Variants in ARHGEF10 observed in about 807,000 individuals in gnomAD.
The protein encoded by ARHGEF10 is Rho guanine nucleotide exchange factor (GEF) 10.
Under a neutral mutation model 147.4 loss-of-function variants are expected in ARHGEF10, and 140 were observed. The observed-to-expected ratio is 0.95, with a 90% CI of 0.83 to 1.09. The LOEUF (loss-of-function observed/expected upper bound fraction) is 1.09, where lower values mean the gene tolerates loss of function less well. Among genes scored for constraint, ARHGEF10 ranks in the 50% least tolerant of loss-of-function variants. The pLI, the probability that ARHGEF10 is intolerant of heterozygous loss-of-function variation, is 0.00. For missense variants in ARHGEF10, 2,222 were observed against 1,752.7 expected (o/e 1.27, Z -4.78); for synonymous variants, 902 against 695.8 (o/e 1.30, Z -4.67).
intron 27 of ARHGEF10, among the ~76,000 whole-genome samples, chr8:1,947,040 G>A (rs1029644682): frequency 9.2e-5 from 14 of 152,250 alleles, no homozygotes; most frequent in African/African-American, 3.4e-4. Flanking sequence ...CTGTGGCTCA[G>A]AAAGCAGACG....
chr8:1,835,006 C>G (rs1426246557), intron 1 of ARHGEF10, among the ~76,000 whole-genome samples: 2 of 152,212 alleles, frequency 1.3e-5, no homozygotes, highest in African/African-American at 4.8e-5. Context: ...ATTCGCCAAG[C>G]GGGTCCGCCA....
At chr8:1,891,048 T>C (rs1809485569) in intron 11 of ARHGEF10, among the ~76,000 whole-genome samples, 1 of 152,220 alleles carries the variant, frequency 6.6e-6, no homozygotes, top group Admixed American at 6.5e-5. Context: ...TGGATTTTAA[T>C]GTCTATTTCC....
chr8:1,869,911 C>A (rs17756583), intron 7 of ARHGEF10: 34,433 of 155,546 alleles, frequency 0.22, 4,115 homozygotes, highest in East Asian at 0.5. Flanking sequence ...TTAGAAAGGG[C>A]GATGGGCCGC....
intron 7 of ARHGEF10, among the ~76,000 whole-genome samples, chr8:1,874,878 G>C (rs1386925961): frequency 3.8e-4 from 26 of 69,098 alleles, no homozygotes; most frequent in African/African-American, 1.5e-3. Flanking sequence ...TCTGGTGGGA[G>C]AGTGCAGACA....
intron 28 of ARHGEF10, among the ~76,000 whole-genome samples, chr8:1,953,681 G>A (rs536043391): frequency 6.6e-5 from 10 of 152,302 alleles, no homozygotes; most frequent in African/African-American, 2.4e-4. Flanking sequence ...ATGACGGATT[G>A]GGCCATTTAA....
chr8:1,823,814 G>A (rs1430208197), upstream of ARHGEF10, among the ~76,000 whole-genome samples: 1 of 151,794 alleles, frequency 6.6e-6, no homozygotes, highest in Non-Finnish European at 1.5e-5. Context: ...ATGCGCGGGC[G>A]CGAGGGCAGG....
rs747323174 is a variant in ARHGEF10, at chr8:1,857,946, GT to G, written c.38-9del. On this transcript the variant is annotated splice_polypyrimidine_tract_variant and intron_variant, in intron 2 of 28. Coordinates refer to ENST00000349830, the MANE Select transcript of ARHGEF10 (RefSeq NM_014629.4). Reference sequence around the variant, plus strand: ...TCTATCTCTCCTTGATGTGGTTTTGGTTTTTCTTTTTAGAAAATGAAATGAA... The same window carrying G: ...TCTATCTCTCCTTGATGTGGTTTTGGTTTTCTTTTTAGAAAATGAAATGAA... 5.0e-6 allele frequency: 8 copies of G among 1,607,296 alleles called. No individual in the cohort carries two copies. Among genetic ancestry groups the G allele is most frequent in the Non-Finnish European group, 6.8e-6 (8 of 1,174,690 alleles).
chr8:1,923,973 A>G, intron 21 of ARHGEF10, 99 bp downstream of exon 21: 1 of 1,109,610 alleles, frequency 9.0e-7, no homozygotes, highest in East Asian at 2.5e-5. Context: ...ACTCAGCAGT[A>G]GATCCATGCA....
At chr8:1,869,321 C>G in intron 7 of ARHGEF10, 71 bp downstream of exon 7, 1 of 1,327,520 alleles carries the variant, frequency 7.5e-7, no homozygotes, top group South Asian at 1.2e-5. Flanking sequence ...GCCAAAGTGA[C>G]TATTTAGTGG....
At chr8:1,846,639 G>A (rs1482958838) in intron 2 of ARHGEF10, among the ~76,000 whole-genome samples, 1 of 152,030 alleles carries the variant, frequency 6.6e-6, no homozygotes, top group East Asian at 1.9e-4. Context: ...GTGAAGTGGT[G>A]TGATCTTGGC....
At chr8:1,890,914 G>C (rs1206347061) in intron 11 of ARHGEF10, among the ~76,000 whole-genome samples, 1 of 152,180 alleles carries the variant, frequency 6.6e-6, no homozygotes, top group East Asian at 1.9e-4. Context: ...TTTCTGTAAA[G>C]GGTTTAAGCT....
chr8:1,826,353 T>C (rs912212235), intron 1 of ARHGEF10, among the ~76,000 whole-genome samples: 2 of 151,766 alleles, frequency 1.3e-5, no homozygotes, highest in African/African-American at 4.9e-5. Context: ...TCTTTGTGTA[T>C]GTGTTTGTGT....
At chr8:1,946,023 AG>A (rs1814560743) in intron 27 of ARHGEF10, 15 of 400,822 alleles carry the variant, frequency 3.7e-5, no homozygotes, top group South Asian at 3.3e-4. Context: ...AACACAGAAC[AG>A]GAGGCCTCCC....
At position 1,894,425 on chromosome 8, in the gene ARHGEF10, A is replaced by G; in HGVS notation, c.1293A>G (p.Pro431=). The change falls in exon 13 of 29, where the codon CCA becomes CCG. Residue 431 remains proline (P), a synonymous_variant. Coordinates refer to ENST00000349830, the MANE Select transcript of ARHGEF10 (RefSeq NM_014629.4). ...AGAAGCCGCTGTCTGAGATGGAGCC[A>G]AAGGTTCTGAGTGAGAGGAAGCTGA... is the stretch of plus-strand genomic sequence containing the variant. ...QYEKPLSEME[P]KVLSERKLKT... is the part of the protein sequence containing the mutation. The G allele has an allele frequency of 6.2e-7, 1 of 1,614,190 alleles. No homozygotes were observed. The highest frequency in any genetic ancestry group is 8.5e-7 in the Non-Finnish European group (1 of 1,180,026).
chr8:1,910,328 A>G (rs1425232727), intron 18 of ARHGEF10, among the ~76,000 whole-genome samples: 1 of 152,234 alleles, frequency 6.6e-6, no homozygotes, highest in Non-Finnish European at 1.5e-5. Context: ...CTGGATTTGC[A>G]GAACATGATG....
chr8:1,857,883 T>TCG (rs1805685092), intron 2 of ARHGEF10, 77 bp from the exon 3 acceptor site: 8 of 608,490 alleles, frequency 1.3e-5, no homozygotes, highest in Admixed American at 1.2e-4. Context: ...TCGATCGATC[T>TCG]ATCTATCTAT....
At chr8:1,883,645 TC>T (rs1181191968) in intron 10 of ARHGEF10, among the ~76,000 whole-genome samples, 3 of 152,198 alleles carry the variant, frequency 2.0e-5, no homozygotes, top group African/African-American at 7.2e-5. Context: ...GCTGTCAGCA[TC>T]CCCGAGGGGT....
chr8:1,833,335 G>A (rs879793605), intron 1 of ARHGEF10, among the ~76,000 whole-genome samples: 1 of 112,430 alleles, frequency 8.9e-6, no homozygotes. Flanking sequence ...GACAGAGACA[G>A]AGGCAGAGAC....
At chr8:1,896,886 G>A (rs6992511) in intron 14 of ARHGEF10, among the ~76,000 whole-genome samples, 1,603 of 152,338 alleles carry the variant, frequency 0.011, 29 homozygotes, top group African/African-American at 0.037. Context: ...TCCTCCCAAT[G>A]CTGAGGACAG....
Sources: allele counts gnomAD v4.1 joint callset (sites outside exome capture counted in the v4.1 genomes callset), GRCh38; gene constraint gnomAD v4.1.1; transcripts MANE v1.5; gene names NCBI Gene and HGNC (gene_info 2026-07-23, HGNC 2026-07-21).